Variants in ZNF407 observed in about 807,000 individuals in gnomAD.
The protein encoded by ZNF407 is zinc finger protein 407.
Under a neutral mutation model 131.2 loss-of-function variants are expected in ZNF407, and 17 were observed. That is an observed-to-expected ratio of 0.13 (90% CI 0.09 to 0.19). The LOEUF is 0.19. Among genes scored for constraint, ZNF407 ranks in the 10% least tolerant of loss-of-function variants. The pLI is 1.00. For missense variants in ZNF407, 2,681 were observed against 2,830.6 expected (o/e 0.95, Z 1.20); for synonymous variants, 1,156 against 1,062.0 (o/e 1.09, Z -1.72).
At chr18:74,676,292 G>A (rs980833452) in intron 3 of ZNF407, among the ~76,000 whole-genome samples, 1 of 151,862 alleles carries the variant, frequency 6.6e-6, no homozygotes, top group African/African-American at 2.4e-5. Flanking sequence ...GGGTTTCACT[G>A]TGTTGCCCAG....
At chr18:74,900,716 A>G (rs1971512975) in intron 7 of ZNF407, among the ~76,000 whole-genome samples, 1 of 152,164 alleles carries the variant, frequency 6.6e-6, no homozygotes, top group Non-Finnish European at 1.5e-5. Flanking sequence ...GCACCCAGTC[A>G]TTTCTCTTGA....
At chr18:74,812,313 G>T (rs74531965) in intron 4 of ZNF407, among the ~76,000 whole-genome samples, 1 of 152,096 alleles carries the variant, frequency 6.6e-6, no homozygotes, top group South Asian at 2.1e-4. Flanking sequence ...ATAATACATA[G>T]CACACAAACT....
At chr18:74,879,772 C>T (rs1326668570) in intron 5 of ZNF407, among the ~76,000 whole-genome samples, 2 of 152,026 alleles carry the variant, frequency 1.3e-5, no homozygotes, top group African/African-American at 2.4e-5. Context: ...TAAGATTAAG[C>T]GTAATTTGGT....
At chr18:74,810,838 A>G (rs2628102) in intron 4 of ZNF407, among the ~76,000 whole-genome samples, 2,714 of 152,312 alleles carry the variant, frequency 0.018, 100 homozygotes, top group African/African-American at 0.062. Flanking sequence ...TACACCTTAT[A>G]TAAAAATTAA....
chr18:74,614,537 T>C (rs1983199682), intron 1 of ZNF407, among the ~76,000 whole-genome samples: 1 of 152,184 alleles, frequency 6.6e-6, no homozygotes, highest in Admixed American at 6.5e-5. Flanking sequence ...TTGCATTCAG[T>C]GGATATTCGT....
intron 8 of ZNF407, among the ~76,000 whole-genome samples, chr18:74,972,456 G>A (rs1972483529): frequency 6.6e-6 from 1 of 152,094 alleles, no homozygotes; most frequent in African/African-American, 2.4e-5. Flanking sequence ...GGCTATCACT[G>A]CCCAAGTGTT....
At chr18:74,713,476 A>T (rs1412987786) in intron 3 of ZNF407, among the ~76,000 whole-genome samples, 1 of 151,818 alleles carries the variant, frequency 6.6e-6, no homozygotes, top group Non-Finnish European at 1.5e-5. Flanking sequence ...ACAGAGATTT[A>T]AAAAATAGAT....
intron 3 of ZNF407, among the ~76,000 whole-genome samples, chr18:74,707,785 T>C (rs1265405280): frequency 6.6e-6 from 1 of 152,230 alleles, no homozygotes; most frequent in Non-Finnish European, 1.5e-5. Flanking sequence ...TTTTTGAGAC[T>C]GAGGTTGTTT....
chr18:74,686,088 G>A (rs911426138), intron 3 of ZNF407, among the ~76,000 whole-genome samples: 1 of 152,156 alleles, frequency 6.6e-6, no homozygotes, highest in African/African-American at 2.4e-5. Context: ...ATATAAATGA[G>A]CAGTAAGCCA....
At chr18:75,005,185 C>T (rs568653877) in intron 8 of ZNF407, among the ~76,000 whole-genome samples, 7 of 152,184 alleles carry the variant, frequency 4.6e-5, no homozygotes, top group South Asian at 2.1e-4. Context: ...CTTGGCAGTT[C>T]GATGAGTTGT....
At chr18:74,980,770 A>G (rs1972583192) in intron 8 of ZNF407, among the ~76,000 whole-genome samples, 1 of 152,122 alleles carries the variant, frequency 6.6e-6, no homozygotes, top group Non-Finnish European at 1.5e-5. Context: ...ATTTTGAGAC[A>G]TTTGCTGAGA....
At position 74,635,064 on chromosome 18, in the gene ZNF407, G is replaced by A. The variant is rs763782407; in HGVS notation, c.4045G>A (p.Ala1349Thr). Residue 1349 changes from alanine to threonine, a missense_variant, in exon 2 of 9, where the codon GCC becomes ACC. This residue lies in a region of ZNF407 where 1,789 missense variants were observed against 1,748.7 expected (regional missense o/e 1.02). Coordinates refer to ENST00000299687, the MANE Select transcript of ZNF407 (RefSeq NM_017757.3). The surrounding 1 kb of genome is among the most constrained non-coding windows in gnomAD (Gnocchi z 4.7). ...TIISIDDKGQ[A>T]MYSFGRFDSS... is the part of the protein sequence containing the mutation. ...AATTAGTATTGATGATAAAGGGCAG[G>A]CCATGTACAGTTTTGGTCGATTTGA... 1 of 1,613,906 alleles carries A rather than the reference G, an allele frequency of 6.2e-7. No individual in the cohort carries two copies. The highest frequency in any genetic ancestry group is 8.5e-7 in the Non-Finnish European group (1 of 1,179,888).
chr18:74,654,115 T>TA (rs1216500619), intron 3 of ZNF407, among the ~76,000 whole-genome samples: 1 of 151,796 alleles, frequency 6.6e-6, no homozygotes, highest in Non-Finnish European at 1.5e-5. Context: ...TCATTTCTAC[T>TA]AAAAAAGAGA....
intron 3 of ZNF407, among the ~76,000 whole-genome samples, chr18:74,665,428 C>T (rs1001975590): frequency 1.3e-5 from 2 of 152,136 alleles, no homozygotes; most frequent in Admixed American, 1.3e-4. Flanking sequence ...GGCAGGGAAG[C>T]GATCACCTTC....
In ZNF407 at chr18:74,641,003, C is replaced by T. The variant is rs1224339863; in HGVS notation, c.4688-5C>T. On this transcript the variant is annotated splice_region_variant and splice_polypyrimidine_tract_variant and intron_variant, in intron 2 of 8. Coordinates refer to ENST00000299687, the MANE Select transcript of ZNF407 (RefSeq NM_017757.3). ...CAAATCATATTTTATGTTAAATTTA[C>T]TCAGGATCAAAACCATTCAAGTGCA... The T allele has an allele frequency of 1.9e-6, 3 of 1,605,902 alleles. No homozygotes were observed. The highest frequency in any genetic ancestry group is 2.6e-6 in the Non-Finnish European group (3 of 1,172,918).
chr18:74,766,167 CGTT>C (rs999551400), intron 3 of ZNF407, among the ~76,000 whole-genome samples: 33 of 152,142 alleles, frequency 2.2e-4, no homozygotes, highest in Non-Finnish European at 4.4e-4. Flanking sequence ...CTCTGTAAGG[CGTT>C]GTCATCACAT....
intron 3 of ZNF407, among the ~76,000 whole-genome samples, chr18:74,649,960 G>A (rs1260133582): frequency 6.6e-6 from 1 of 152,028 alleles, no homozygotes; most frequent in Non-Finnish European, 1.5e-5. Flanking sequence ...GAGTTTAGAT[G>A]GTCACTTCTA....
rs954459636 is a variant in ZNF407 at position 74,632,978 on chromosome 18, C to G, written c.1959C>G (p.Asn653Lys). The change falls in exon 2 of 9, where the codon AAC (asparagine) becomes AAG (lysine). Residue 653 changes from asparagine (N) to lysine (K), a missense_variant. Asn to Lys is a moderately conservative substitution (Grantham distance 94). This residue lies in a region of ZNF407 where 1,789 missense variants were observed against 1,748.7 expected (regional missense o/e 1.02). Transcript: ENST00000299687. ...LVQPKTLQSSNSDLVLQTLPL... is the reference protein window; with the variant it reads ...LVQPKTLQSSKSDLVLQTLPL... ...AACCAAAGACTTTGCAATCATCTAA[C>G]AGTGATTTGGTTTTACAGACTTTAC... 1 of 1,613,128 alleles carries G rather than the reference C, an allele frequency of 6.2e-7. No homozygotes were observed. The highest frequency in any genetic ancestry group is 1.3e-5 in the African/African-American group (1 of 74,662).
chr18:74,823,255 A>G (rs1234957971), intron 4 of ZNF407, among the ~76,000 whole-genome samples: 2 of 152,228 alleles, frequency 1.3e-5, no homozygotes, highest in Admixed American at 6.5e-5. Flanking sequence ...CACTGCAAAA[A>G]CATAGGAAAT....
Sources: gnomAD v4.1 joint callset for allele counts (sites outside exome capture counted in the v4.1 genomes callset) on GRCh38, gnomAD v4.1.1 for gene constraint, gnomAD v4.1.1 regional missense constraint, Gnocchi (gnomAD v3.1) non-coding constraint, MANE v1.5 for transcripts, NCBI Gene and HGNC (gene_info 2026-07-23, HGNC 2026-07-21) for gene names.